KCNJ4: variants seen among roughly 807,000 people sequenced by gnomAD.
KCNJ4 encodes potassium inwardly rectifying channel subfamily J member 4.
In KCNJ4, 3 loss-of-function variants were observed where a neutral mutation model predicts 25.6. That is an observed-to-expected ratio of 0.12 (90% CI 0.05 to 0.30). The LOEUF (loss-of-function observed/expected upper bound fraction) is 0.30, where lower values mean the gene tolerates loss of function less well. Among genes scored for constraint, KCNJ4 ranks in the 10% least tolerant of loss-of-function variants. KCNJ4 has a pLI of 1.00. For synonymous variants in KCNJ4, 257 were observed against 283.9 expected (o/e 0.91, Z 0.95); for missense variants, 286 against 666.8 (o/e 0.43, Z 6.29).
intron 1 of KCNJ4, among the ~76,000 whole-genome samples, chr22:38,431,487 T>G (rs2093049574): frequency 6.6e-6 from 1 of 152,140 alleles, no homozygotes; most frequent in African/African-American, 2.4e-5. Context: ...CTCACCCCGG[T>G]GCCTCCCCGA....
At chr22:38,452,972 G>A (rs992374835) in intron 1 of KCNJ4, among the ~76,000 whole-genome samples, 3 of 148,176 alleles carry the variant, frequency 2.0e-5, no homozygotes, top group Middle Eastern at 3.2e-3. Context: ...ACATGTCCTC[G>A]TGACTCAGTG....
chr22:38,442,112 G>A (rs1423503157), intron 1 of KCNJ4, among the ~76,000 whole-genome samples: 1 of 152,040 alleles, frequency 6.6e-6, no homozygotes, highest in Non-Finnish European at 1.5e-5. Context: ...CTGGGGACAG[G>A]GTGGGAGGAA....
chr22:38,434,306 C>T (rs538864909), intron 1 of KCNJ4, among the ~76,000 whole-genome samples: 42 of 152,278 alleles, frequency 2.8e-4, no homozygotes, highest in African/African-American at 9.6e-4. Flanking sequence ...CTTGGGGATC[C>T]GAGGAACCAG....
rs996844701 is a variant in KCNJ4 at position 38,439,603 on chromosome 22, C to T, written c.-39-11432G>A. On this transcript the variant is annotated intron_variant, in intron 1 of 1. Coordinates refer to ENST00000303592, the MANE Select transcript of KCNJ4 (RefSeq NM_152868.3). ...CATCCTGGCGAACACGGTGAAACCC[C>T]GTCTCTACTAAAAATACAAAAATTA... Among the ~76,000 whole-genome samples the T allele has an allele frequency of 4.7e-5, 7 of 149,086 alleles. No homozygotes were observed. In the South Asian group the frequency reaches 6.4e-4, roughly 14 times the overall value.
chr22:38,428,673 G>A (rs958720374), intron 1 of KCNJ4, among the ~76,000 whole-genome samples: 4 of 152,204 alleles, frequency 2.6e-5, no homozygotes, highest in African/African-American at 7.2e-5. Flanking sequence ...TAATTAAAAC[G>A]AAATAAAATA....
In KCNJ4 at chr22:38,426,805, G is replaced by A; in HGVS notation, c.1328C>T (p.Ser443Phe). 1 of 1,609,106 alleles carries A rather than the reference G, an allele frequency of 6.2e-7. No homozygotes were observed. Among genetic ancestry groups the A allele is most frequent in the Non-Finnish European group, 8.5e-7 (1 of 1,176,752 alleles). ...PLDNISYRRE[S>F]AI Reference sequence around the variant, plus strand: ...GGCCGGGCCTGGAGGTCAGATGGCAGACTCCCTGCGGTAGGAGATGTTGTC... The same window carrying A: ...GGCCGGGCCTGGAGGTCAGATGGCAAACTCCCTGCGGTAGGAGATGTTGTC... The change falls in exon 2 of 2, where the codon TCT becomes TTT. Residue 443 changes from serine (S) to phenylalanine (F), a missense_variant. This residue lies in a region of KCNJ4 where 77 missense variants were observed against 97.6 expected (regional missense o/e 0.79). Transcript: ENST00000303592.
chr22:38,455,056 G>A lies in KCNJ4; in HGVS notation c.-116C>T, dbSNP rs529742441. The A allele has an allele frequency of 6.6e-6, 1 of 151,174 alleles. No individual in the cohort carries two copies. The highest frequency in any genetic ancestry group is 1.5e-5 in the Non-Finnish European group (1 of 67,656). 9.4% of individuals were successfully genotyped at this position (151,174 alleles called of 1,614,324 possible). On this transcript the variant is annotated 5_prime_UTR_variant, in exon 1 of 2. Coordinates refer to ENST00000303592, the MANE Select transcript of KCNJ4 (RefSeq NM_152868.3). ...ATCCCAAGGCGCGATCCGGCGGGCG[G>A]CGTCCCGGGCGCGGAAAGGGGAGTC... is the stretch of plus-strand genomic sequence containing the variant.
At chr22:38,430,639 A>G (rs1425481010) in intron 1 of KCNJ4, among the ~76,000 whole-genome samples, 1 of 152,180 alleles carries the variant, frequency 6.6e-6, no homozygotes, top group Non-Finnish European at 1.5e-5. Flanking sequence ...CCCCTCCCGC[A>G]GCATCCCAGC....
intron 1 of KCNJ4, among the ~76,000 whole-genome samples, chr22:38,453,079 T>C (rs2089419774): frequency 7.8e-6 from 1 of 128,892 alleles, no homozygotes; most frequent in African/African-American, 3.0e-5. Flanking sequence ...CCTGTAAGCC[T>C]ACACTGTTCC....
rs147444399 is a variant in KCNJ4, at chr22:38,454,487, C to T, written c.-40+493G>A. ...ACGTGCAGTGCCTCCTCTACCAATCCCTGCCCCTGCGCCCTGGGGTCGTGT... is the reference window on the plus strand; with the variant it reads ...ACGTGCAGTGCCTCCTCTACCAATCTCTGCCCCTGCGCCCTGGGGTCGTGT... On this transcript the variant is annotated intron_variant, in intron 1 of 1. Transcript: ENST00000303592. Among the ~76,000 whole-genome samples, 745 of 152,308 alleles carry T rather than the reference C, an allele frequency of 4.9e-3. 5 individuals are homozygous for T. Among genetic ancestry groups the T allele is most frequent in the Middle Eastern group, 0.031 (9 of 294 alleles).
intron 1 of KCNJ4, among the ~76,000 whole-genome samples, chr22:38,441,144 C>CAGCTCACAGACAGGAGAGGG (rs2089329381): frequency 6.6e-6 from 1 of 152,102 alleles, no homozygotes; most frequent in Non-Finnish European, 1.5e-5. Flanking sequence ...GGAGGGAGGC[C>CAGCTCACAGACAGGAGAGGG]AGCTCACAGA....
intron 1 of KCNJ4, among the ~76,000 whole-genome samples, chr22:38,452,385 G>A (rs897760938): frequency 6.6e-6 from 1 of 152,102 alleles, no homozygotes; most frequent in Non-Finnish European, 1.5e-5. Context: ...CTGGTCCTGG[G>A]ATCTCCCCAA....
chr22:38,452,658 G>C (rs2089416968), intron 1 of KCNJ4, among the ~76,000 whole-genome samples: 1 of 152,126 alleles, frequency 6.6e-6, no homozygotes, highest in Non-Finnish European at 1.5e-5. Flanking sequence ...ATCCTAGGGG[G>C]AGAGGCATGA....
At chr22:38,444,855 C>T (rs1323978576) in intron 1 of KCNJ4, among the ~76,000 whole-genome samples, 5 of 152,228 alleles carry the variant, frequency 3.3e-5, no homozygotes. Flanking sequence ...TCCATTCATT[C>T]ATCACCCTAA....
chr22:38,441,912 G>A lies in KCNJ4; in HGVS notation c.-40+13068C>T, dbSNP rs940786719. 4.6e-5 allele frequency among the ~76,000 whole-genome samples: 7 copies of A among 152,342 alleles called. No individual in the cohort carries two copies. In the East Asian group the frequency reaches 1.2e-3, roughly 25 times the overall value. On this transcript the variant is annotated intron_variant, in intron 1 of 1. Coordinates refer to ENST00000303592, the MANE Select transcript of KCNJ4 (RefSeq NM_152868.3). ...AGAGAGCTCTGTGAGGAGCAATGTA[G>A]GTCTTCAAGATGTATTTTTAAGCAA...
intron 1 of KCNJ4, among the ~76,000 whole-genome samples, chr22:38,450,287 G>A (rs1209574824): frequency 6.6e-6 from 1 of 152,070 alleles, no homozygotes; most frequent in South Asian, 2.1e-4. Flanking sequence ...ATCGTTGGGA[G>A]GAGCGCTTTT....
At chr22:38,454,225 C>T (rs1214342760) in intron 1 of KCNJ4, among the ~76,000 whole-genome samples, 1 of 152,184 alleles carries the variant, frequency 6.6e-6, no homozygotes, top group African/African-American at 2.4e-5. Flanking sequence ...TCCACCCCAC[C>T]CAGCTTGCCA....
chr22:38,454,785 G>A (rs1203033808), intron 1 of KCNJ4, among the ~76,000 whole-genome samples, 195 bp downstream of exon 1: 1 of 152,034 alleles, frequency 6.6e-6, no homozygotes, highest in Non-Finnish European at 1.5e-5. Context: ...ACGGACAGAC[G>A]GACAGAGCCC....
chr22:38,444,949 G>T (rs1033791865), intron 1 of KCNJ4, among the ~76,000 whole-genome samples: 1 of 152,196 alleles, frequency 6.6e-6, no homozygotes, highest in African/African-American at 2.4e-5. Flanking sequence ...GCCTTGGAGG[G>T]CGGTCTGTAA....
Sources: gnomAD v4.1 joint callset for allele counts (sites outside exome capture counted in the v4.1 genomes callset) on GRCh38, gnomAD v4.1.1 for gene constraint, gnomAD v4.1.1 regional missense constraint, MANE v1.5 for transcripts, NCBI Gene and HGNC (gene_info 2026-07-23, HGNC 2026-07-21) for gene names.